CSMD1: variants seen among roughly 807,000 people sequenced by gnomAD.
The protein encoded by CSMD1 is CUB and Sushi multiple domains 1, also known as CUB and sushi domain-containing protein 1.
In CSMD1, 213 loss-of-function variants were observed where a neutral mutation model predicts 417.5. The observed-to-expected ratio is 0.51, with a 90% CI of 0.46 to 0.57. The LOEUF is 0.57. Among genes scored for constraint, CSMD1 ranks in the 20% least tolerant of loss-of-function variants. CSMD1 has a pLI of 0.00. For missense variants in CSMD1, 6,923 were observed against 4,529.7 expected (o/e 1.53, Z -15.17); for synonymous variants, 2,862 against 1,736.8 (o/e 1.65, Z -16.11).
At chr8:3,712,438 CAGACAGAG>C (rs797020087) in intron 6 of CSMD1, among the ~76,000 whole-genome samples, 1,651 of 60,454 alleles carry the variant, frequency 0.027, 15 homozygotes, top group Middle Eastern at 0.044. Context: ...GACAGACAGA[CAGACAGAG>C]AGAGAGAGAA....
chr8:4,850,699 T>G (rs1310171059), intron 1 of CSMD1, among the ~76,000 whole-genome samples: 2 of 152,106 alleles, frequency 1.3e-5, no homozygotes, highest in Non-Finnish European at 2.9e-5. Flanking sequence ...TCTCTCTGGA[T>G]GAAGTGCAGA....
intron 31 of CSMD1, among the ~76,000 whole-genome samples, chr8:3,204,584 C>A (rs1368923456): frequency 6.6e-6 from 1 of 152,036 alleles, no homozygotes; most frequent in Non-Finnish European, 1.5e-5. Flanking sequence ...GTAAGAGGCC[C>A]GGGAATCATG....
At chr8:3,782,835 T>C (rs887690850) in intron 5 of CSMD1, among the ~76,000 whole-genome samples, 11 of 152,294 alleles carry the variant, frequency 7.2e-5, no homozygotes, top group Admixed American at 6.5e-4. Flanking sequence ...TGAACACTTA[T>C]GGAGCGACTT....
intron 8 of CSMD1, among the ~76,000 whole-genome samples, chr8:3,594,145 G>A (rs1490682857): frequency 6.6e-6 from 1 of 151,990 alleles, no homozygotes; most frequent in African/African-American, 2.4e-5. Context: ...CTTTTCCATG[G>A]GCCTCTGCTA....
intron 36 of CSMD1, chr8:3,182,979 C>T (rs532975322): frequency 1.4e-5 from 2 of 142,274 alleles, no homozygotes; most frequent in African/African-American, 5.8e-5. Context: ...AGGATGGTCT[C>T]GATCAACTGA....
intron 17 of CSMD1, among the ~76,000 whole-genome samples, chr8:3,390,284 G>T (rs140784401): frequency 9.5e-5 from 14 of 147,504 alleles, no homozygotes; most frequent in African/African-American, 3.5e-4. Flanking sequence ...GAACTCAGGA[G>T]GCAGAGGATG....
At chr8:4,591,163 C>T (rs1799964002) in intron 2 of CSMD1, among the ~76,000 whole-genome samples, 1 of 152,160 alleles carries the variant, frequency 6.6e-6, no homozygotes, top group Admixed American at 6.5e-5. Context: ...GTGTTGAGTG[C>T]TTACTGTTTA....
chr8:4,929,624 C>G (rs540555082), intron 1 of CSMD1, among the ~76,000 whole-genome samples: 1 of 152,290 alleles, frequency 6.6e-6, no homozygotes, highest in South Asian at 2.1e-4. Context: ...TCATTTGTCA[C>G]CATTTTCATC....
intron 18 of CSMD1, among the ~76,000 whole-genome samples, chr8:3,380,245 GC>G (rs1243096812): frequency 6.6e-6 from 1 of 152,182 alleles, no homozygotes; most frequent in African/African-American, 2.4e-5. Context: ...AACAACAGAT[GC>G]TGGAGAGGCT....
chr8:3,874,054 C>A (rs1441328082), intron 5 of CSMD1, among the ~76,000 whole-genome samples: 1 of 152,194 alleles, frequency 6.6e-6, no homozygotes, highest in East Asian at 1.9e-4. Flanking sequence ...TTCCACTTCC[C>A]TCCCCTCAAA....
chr8:3,002,753 A>C (rs1191753520), intron 52 of CSMD1, among the ~76,000 whole-genome samples: 1 of 152,232 alleles, frequency 6.6e-6, no homozygotes, highest in Admixed American at 6.5e-5. Context: ...TGTAATGGTC[A>C]AGGAAGCATC....
At chr8:4,353,064 C>T (rs760871002) in intron 3 of CSMD1, among the ~76,000 whole-genome samples, 1 of 152,130 alleles carries the variant, frequency 6.6e-6, no homozygotes, top group African/African-American at 2.4e-5. Context: ...AGAGTAAAAT[C>T]AGATATTGTC....
intron 7 of CSMD1, among the ~76,000 whole-genome samples, chr8:3,697,459 G>A (rs1334004863): frequency 1.3e-5 from 2 of 152,144 alleles, no homozygotes; most frequent in African/African-American, 4.8e-5. Flanking sequence ...TTATCTTGCT[G>A]ACTTAGTTTG....
At chr8:3,404,329 T>C (rs1391223289) in intron 15 of CSMD1, among the ~76,000 whole-genome samples, 2 of 41,422 alleles carry the variant, frequency 4.8e-5, no homozygotes, top group East Asian at 6.7e-4. Flanking sequence ...AGCCAGACGC[T>C]ATCTCAAAAA....
chr8:4,876,030 G>T (rs1028126818), intron 1 of CSMD1, among the ~76,000 whole-genome samples: 1 of 152,000 alleles, frequency 6.6e-6, no homozygotes, highest in Non-Finnish European at 1.5e-5. Context: ...TTTTAGTAAG[G>T]GGAAAAAACC....
At chr8:3,802,704 C>G (rs924846800) in intron 5 of CSMD1, among the ~76,000 whole-genome samples, 1 of 152,144 alleles carries the variant, frequency 6.6e-6, no homozygotes, top group East Asian at 1.9e-4. Context: ...AAATATAGTG[C>G]TTGACAATTT....
intron 2 of CSMD1, among the ~76,000 whole-genome samples, chr8:4,477,399 G>A (rs1184531084): frequency 6.6e-6 from 1 of 152,192 alleles, no homozygotes; most frequent in African/African-American, 2.4e-5. Context: ...ATCAGTCTCG[G>A]GGACTTGGTG....
intron 7 of CSMD1, among the ~76,000 whole-genome samples, chr8:3,657,890 C>T (rs529445796): frequency 6.6e-6 from 1 of 152,142 alleles, no homozygotes; most frequent in South Asian, 2.1e-4. Context: ...TGAAACTTAC[C>T]CTGGAGCTTC....
At chr8:4,922,271 T>C (rs1585334502) in intron 1 of CSMD1, among the ~76,000 whole-genome samples, 1 of 152,170 alleles carries the variant, frequency 6.6e-6, no homozygotes, top group Non-Finnish European at 1.5e-5. Context: ...CTGAATGTGT[T>C]GTTTAAAGGT....
Sources: allele counts gnomAD v4.1 joint callset (sites outside exome capture counted in the v4.1 genomes callset), GRCh38; gene constraint gnomAD v4.1.1; transcripts MANE v1.5; gene names NCBI Gene and HGNC (gene_info 2026-07-23, HGNC 2026-07-21).